The following GALNT2 variants were observed in gnomAD, a reference collection of about 807,000 sequenced individuals.
The protein encoded by GALNT2 is UDP-GalNAc:polypeptide N-acetylgalactosaminyltransferase 2.
A neutral mutation model predicts 81.4 loss-of-function variants in GALNT2; 31 were observed. That is an observed-to-expected ratio of 0.38 (90% CI 0.29 to 0.51). The LOEUF (loss-of-function observed/expected upper bound fraction) is 0.51. Among genes scored for constraint, GALNT2 ranks in the 20% least tolerant of loss-of-function variants. GALNT2 has a pLI of 0.87. For missense variants in GALNT2, 629 were observed against 765.7 expected, an observed-to-expected ratio of 0.82 and a Z score of 2.11; for synonymous variants, 303 against 287.4, an observed-to-expected ratio of 1.05 and a Z score of -0.55.
At chr1:230,249,141 G>A in intron 8 of GALNT2, 43 bp from the exon 9 acceptor site, 1 of 1,550,154 alleles carries the variant, frequency 6.5e-7, no homozygotes, top group Non-Finnish European at 8.9e-7. Flanking sequence ...GGAGGAAGTG[G>A]CCAGTCTCTT....
chr1:230,173,250 A>G (rs1242458800), intron 1 of GALNT2, among the ~76,000 whole-genome samples: 2 of 152,164 alleles, frequency 1.3e-5, no homozygotes, highest in African/African-American at 4.8e-5. Context: ...CTGCGTGTGG[A>G]TGCATCCAAT....
At chr1:230,124,280 G>A (rs1453697802) in intron 1 of GALNT2, among the ~76,000 whole-genome samples, 1 of 152,098 alleles carries the variant, frequency 6.6e-6, no homozygotes, top group Non-Finnish European at 1.5e-5. Context: ...GACAGCAGAG[G>A]GAGAGACACC....
rs528816223 is a variant in GALNT2, at chr1:230,273,541, C to T, written c.1441-904C>T. Among the ~76,000 whole-genome samples, 136 of 152,316 alleles carry T rather than the reference C, an allele frequency of 8.9e-4. 1 individual carries two copies. Among genetic ancestry groups the T allele is most frequent in the Middle Eastern group, 3.4e-3 (1 of 294 alleles). ...CAAATGGAGAGTGATGGTCAGAAGC[C>T]TCACCTTCCAGTCCCTGCTGTGGCC... On this transcript the variant is annotated intron_variant, in intron 14 of 15. Transcript: ENST00000366672.
chr1:230,112,773 G>C (rs1660741502), intron 1 of GALNT2, among the ~76,000 whole-genome samples: 1 of 149,776 alleles, frequency 6.7e-6, no homozygotes, highest in South Asian at 2.2e-4. Flanking sequence ...CCAGGGGGTA[G>C]GTGGCACAGT....
At chr1:230,222,699 G>T (rs1159081160) in intron 3 of GALNT2, among the ~76,000 whole-genome samples, 1 of 152,040 alleles carries the variant, frequency 6.6e-6, no homozygotes, top group Non-Finnish European at 1.5e-5. Flanking sequence ...TATATGGAGG[G>T]TTTTACTTTG....
In GALNT2 at chr1:230,279,290, C is replaced by G. The variant is rs986209206; in HGVS notation, c.1561-13C>G. ...TGTGCCCACACTCTAAGGCACTCTCCTGTGTCTTGCAGAAATGGGAACAGA... is the reference window on the plus strand; with the variant it reads ...TGTGCCCACACTCTAAGGCACTCTCGTGTGTCTTGCAGAAATGGGAACAGA... On this transcript the variant is annotated splice_polypyrimidine_tract_variant and intron_variant, in intron 15 of 15. Coordinates refer to ENST00000366672, the MANE Select transcript of GALNT2 (RefSeq NM_004481.5). This position sits in a 1 kb window ranked among gnomAD's most constrained non-coding sequence, Gnocchi z 4.6. 1 of 1,612,684 alleles carries G rather than the reference C, an allele frequency of 6.2e-7. No individual in the cohort carries two copies. The highest frequency in any genetic ancestry group is 8.5e-7 in the Non-Finnish European group (1 of 1,179,088).
In GALNT2 at chr1:230,280,176, C is replaced by CCTTCT. The variant is rs1180936441; in HGVS notation, c.*718_*719insCTTCT. 2.8e-6 allele frequency: 1 copy of CCTTCT among 363,608 alleles called. No individual in the cohort carries two copies. The highest frequency in any genetic ancestry group is 2.1e-5 in the African/African-American group (1 of 47,086). 22.5% of individuals were successfully genotyped at this position (363,608 alleles called of 1,614,324 possible). ...GCTTCCGGGAGAAGGGGCCAGAGCC[C>CCTTCT]GGTGGGGCCAGTTTCTCACAGAGGG... On this transcript the variant is annotated 3_prime_UTR_variant, in exon 16 of 16. Coordinates refer to ENST00000366672, the MANE Select transcript of GALNT2 (RefSeq NM_004481.5).
intron 1 of GALNT2, among the ~76,000 whole-genome samples, chr1:230,110,879 T>C (rs1660682494): frequency 6.6e-6 from 1 of 152,158 alleles, no homozygotes; most frequent in South Asian, 2.1e-4. Flanking sequence ...GGTGGGTTAC[T>C]GACAGACCAT....
At chr1:230,161,308 T>G (rs1185837387) in intron 1 of GALNT2, among the ~76,000 whole-genome samples, 1 of 152,216 alleles carries the variant, frequency 6.6e-6, no homozygotes, top group Non-Finnish European at 1.5e-5. Flanking sequence ...TAGACCAGCT[T>G]CCTTACACCA....
intron 1 of GALNT2, among the ~76,000 whole-genome samples, chr1:230,107,528 T>C (rs1660575693): frequency 2.0e-5 from 3 of 151,662 alleles, no homozygotes; most frequent in African/African-American, 7.3e-5. Flanking sequence ...TGCAGTGAGC[T>C]ATGATTGTGC....
chr1:230,242,754 T>G (rs1160505499), intron 6 of GALNT2, among the ~76,000 whole-genome samples: 2 of 152,184 alleles, frequency 1.3e-5, no homozygotes, highest in Non-Finnish European at 2.9e-5. Flanking sequence ...TATTAACACA[T>G]CACAAGTATA....
rs564681409 is a variant in GALNT2, at chr1:230,222,031, C to CTTTTTTTTTTT, written c.375-13980_375-13970dup. Among the ~76,000 whole-genome samples, 10 of 96,122 alleles carry CTTTTTTTTTTT rather than the reference C, an allele frequency of 1.0e-4. 1 individual carries two copies. The highest frequency in any genetic ancestry group is 3.3e-4 in the South Asian group (1 of 3,004). The allele number at this position is 96,122 out of a possible 152,430, so 63.1% of individuals were successfully genotyped here. On this transcript the variant is annotated intron_variant, in intron 3 of 15. Transcript: ENST00000366672. The stretch of plus-strand genomic sequence containing the variant: ...TTTATATACATTTCACTGCTTTTCT[C>CTTTTTTTTTTT]TTTTTTTTTTTTTGAGACAGAGTCT...
chr1:230,176,393 C>A (rs924784855), intron 1 of GALNT2, among the ~76,000 whole-genome samples: 1 of 152,222 alleles, frequency 6.6e-6, no homozygotes, highest in African/African-American at 2.4e-5. Flanking sequence ...ACCAGCCCCA[C>A]TGGCAGTGTT....
At chr1:230,198,036 T>C (rs943579655) in intron 2 of GALNT2, among the ~76,000 whole-genome samples, 9 of 152,196 alleles carry the variant, frequency 5.9e-5, no homozygotes, top group African/African-American at 2.2e-4. Flanking sequence ...GCACGTCTCA[T>C]ATGCGGCTGT....
rs1047466440 is a variant in GALNT2 at position 230,251,089 on chromosome 1, C to T, written c.1009+529C>T. Among the ~76,000 whole-genome samples the T allele has an allele frequency of 2.6e-5, 4 of 152,056 alleles. No homozygotes were observed. The East Asian group carries it at 7.7e-4, about 29-fold the overall frequency. ...ATACCCCATGCAAATTATTTTTACC[C>T]AGGTTTAGGCACAGCAAAATTTTGC... is the stretch of plus-strand genomic sequence containing the variant. On this transcript the variant is annotated intron_variant, in intron 10 of 15. Transcript: ENST00000366672.
chr1:230,105,984 G>A (rs780143409), intron 1 of GALNT2, among the ~76,000 whole-genome samples: 7 of 152,332 alleles, frequency 4.6e-5, no homozygotes, highest in South Asian at 2.1e-4. Flanking sequence ...AGTGATTGTA[G>A]TAATTCGGTA....
intron 1 of GALNT2, among the ~76,000 whole-genome samples, chr1:230,078,080 G>A (rs1022100933): frequency 3.9e-5 from 6 of 152,232 alleles, no homozygotes; most frequent in Non-Finnish European, 8.8e-5. Context: ...TCCAGTCGGG[G>A]GTGGTGGAGG....
At chr1:230,136,510 T>C (rs1661547486) in intron 1 of GALNT2, among the ~76,000 whole-genome samples, 2 of 152,172 alleles carry the variant, frequency 1.3e-5, no homozygotes, top group African/African-American at 4.8e-5. Flanking sequence ...TTCCAGCACA[T>C]GCATGCACCC....
chr1:230,075,346 C>T (rs1449927759), intron 1 of GALNT2, among the ~76,000 whole-genome samples: 2 of 152,064 alleles, frequency 1.3e-5, no homozygotes, highest in East Asian at 3.9e-4. Flanking sequence ...GTCTCAAACT[C>T]CTGACCTCAA....
Sources: gnomAD v4.1 joint callset for allele counts (sites outside exome capture counted in the v4.1 genomes callset) on GRCh38, gnomAD v4.1.1 for gene constraint, Gnocchi (gnomAD v3.1) non-coding constraint, MANE v1.5 for transcripts, NCBI Gene and HGNC (gene_info 2026-07-23, HGNC 2026-07-21) for gene names.